Variants in ELF1 observed in about 807,000 individuals in gnomAD.
ELF1 encodes E74 like ETS transcription factor 1.
Under a neutral mutation model 59.9 loss-of-function variants are expected in ELF1, and 24 were observed. The observed-to-expected ratio is 0.40, with a 90% CI of 0.29 to 0.56. The LOEUF is 0.56. Among genes scored for constraint, ELF1 ranks in the 20% least tolerant of loss-of-function variants. The pLI is 0.44. For synonymous variants in ELF1, 248 were observed against 266.2 expected, an observed-to-expected ratio of 0.93 and a Z score of 0.67; for missense variants, 627 against 742.2, an observed-to-expected ratio of 0.84 and a Z score of 1.80.
chr13:40,993,469 C>T (rs916731959), intron 1 of ELF1: 24 of 577,260 alleles, frequency 4.2e-5, no homozygotes, highest in African/African-American at 2.3e-4. Context: ...AAGCACCCAG[C>T]GGGCGAGGAA....
intron 1 of ELF1, among the ~76,000 whole-genome samples, chr13:41,012,390 T>C (rs1875120930): frequency 1.3e-5 from 2 of 151,588 alleles, no homozygotes; most frequent in Admixed American, 6.6e-5. Context: ...CCACCTAGCT[T>C]TATATTTTAC....
At chr13:41,058,584 G>A (rs1373760544) in intron 1 of ELF1, among the ~76,000 whole-genome samples, 1 of 152,132 alleles carries the variant, frequency 6.6e-6, no homozygotes, top group Non-Finnish European at 1.5e-5. Flanking sequence ...TCACCCCCAG[G>A]TATATAGTAC....
chr13:41,015,631 G>C (rs1025896970), intron 1 of ELF1, among the ~76,000 whole-genome samples: 16 of 152,098 alleles, frequency 1.1e-4, no homozygotes, highest in Admixed American at 4.6e-4. Flanking sequence ...TACGCCTAAT[G>C]AATCAGAATT....
In ELF1 at chr13:40,933,934, C is replaced by G; in HGVS notation, c.1351G>C (p.Val451Leu). ...VTLQTVPLTT[V>L]IASTDPSAGT... ...GCTGATGGATCTGTGCTGGCTATAACTGTTGTGAGTGGCACTGTTTGGAGT... is the reference window on the plus strand; with the variant it reads ...GCTGATGGATCTGTGCTGGCTATAAGTGTTGTGAGTGGCACTGTTTGGAGT... The change falls in exon 9 of 9, where the codon GTT becomes CTT. Residue 451 changes from valine to leucine, a missense_variant. Coordinates refer to ENST00000239882, the MANE Select transcript of ELF1 (RefSeq NM_172373.4). 1 of 1,614,234 alleles carries G rather than the reference C, an allele frequency of 6.2e-7. No homozygotes were observed.
chr13:41,016,622 A>T (rs538208995), intron 1 of ELF1, among the ~76,000 whole-genome samples: 11 of 152,156 alleles, frequency 7.2e-5, no homozygotes, highest in African/African-American at 2.6e-4. Flanking sequence ...TCCTAAAAGA[A>T]TATGAGGCAA....
rs571349483 is a variant in ELF1 at position 41,045,573 on chromosome 13, G to A, written c.-229+15265C>T. On this transcript the variant is annotated intron_variant, in intron 1 of 1. Coordinates refer to the ELF1 transcript ENST00000405737. ...CCCAGCAGTCATTCAGGAGCAGGTT[G>A]TTCAGTTTCCATGTAGTTTTGAGTG... Among the ~76,000 whole-genome samples, 5 of 152,314 alleles carry A rather than the reference G, an allele frequency of 3.3e-5. No individual in the cohort carries two copies. The South Asian group carries it at 1.0e-3, about 32-fold the overall frequency.
At chr13:40,990,212 C>T (rs1873771517) in intron 1 of ELF1, among the ~76,000 whole-genome samples, 3 of 152,132 alleles carry the variant, frequency 2.0e-5, no homozygotes, top group African/African-American at 7.2e-5. Context: ...ATTCAGTGTT[C>T]ATTGACTAGT....
intron 1 of ELF1, among the ~76,000 whole-genome samples, chr13:40,991,410 CAT>C (rs925570516): frequency 5.9e-5 from 9 of 152,044 alleles, no homozygotes; most frequent in Admixed American, 4.6e-4. Context: ...TTCATGGACA[CAT>C]TACTATTTTA....
At position 40,936,554 on chromosome 13, in the gene ELF1, C is replaced by T. The variant is rs534764225; in HGVS notation, c.1257-2526G>A. On this transcript the variant is annotated intron_variant, in intron 8 of 8. Coordinates refer to ENST00000239882, the MANE Select transcript of ELF1 (RefSeq NM_172373.4). Reference sequence around the variant, plus strand: ...GGATCACAAGGTACAGAGTTCAAGACGGCCTGGTCAACATGGTGAAACCCC... The same window carrying T: ...GGATCACAAGGTACAGAGTTCAAGATGGCCTGGTCAACATGGTGAAACCCC... Among the ~76,000 whole-genome samples the T allele has an allele frequency of 1.1e-3, 164 of 152,052 alleles. No homozygotes were observed. In the Middle Eastern group the frequency reaches 0.017, roughly 16 times the overall value.
chr13:40,987,932 T>A (rs552424727), intron 1 of ELF1, among the ~76,000 whole-genome samples: 1 of 152,076 alleles, frequency 6.6e-6, no homozygotes, highest in Non-Finnish European at 1.5e-5. Flanking sequence ...GGAAAAACCA[T>A]TGAAAAAATA....
rs916364296 is a variant in ELF1 at position 40,963,686 on chromosome 13, A to G, written c.73-4670T>C. On this transcript the variant is annotated intron_variant, in intron 2 of 8. Transcript: ENST00000239882. ...CACTTTGGGAGGCCGAGGCGGGCGG[A>G]TCACGAGGTCAAGAGATTGAGAACA... Among the ~76,000 whole-genome samples, 22 of 152,332 alleles carry G rather than the reference A, an allele frequency of 1.4e-4. No individual in the cohort carries two copies. In the South Asian group the frequency reaches 4.6e-3, roughly 32 times the overall value.
At chr13:41,023,437 A>G (rs1268948266), upstream of ELF1, among the ~76,000 whole-genome samples, 1 of 152,224 alleles carries the variant, frequency 6.6e-6, no homozygotes, top group Non-Finnish European at 1.5e-5. Flanking sequence ...CAAATGACCA[A>G]AATCAATGTT....
intron 5 of ELF1, 130 bp downstream of exon 5, chr13:40,949,676 A>T: frequency 8.5e-7 from 1 of 1,171,316 alleles, no homozygotes. Flanking sequence ...CATAATTTCC[A>T]TTTTGTGCCT....
At chr13:41,044,820 G>A (rs1020047492) in intron 1 of ELF1, among the ~76,000 whole-genome samples, 4 of 152,150 alleles carry the variant, frequency 2.6e-5, no homozygotes, top group African/African-American at 9.7e-5. Context: ...AAATGAGTTA[G>A]GGAAGATTCC....
chr13:40,999,978 G>T (rs2138330579), intron 1 of ELF1, among the ~76,000 whole-genome samples: 1 of 152,234 alleles, frequency 6.6e-6, no homozygotes, highest in Admixed American at 6.5e-5. Flanking sequence ...GAACACCAGT[G>T]TAACTTTGAA....
At chr13:40,984,247 T>C (rs1295880456) in intron 1 of ELF1, among the ~76,000 whole-genome samples, 3 of 152,208 alleles carry the variant, frequency 2.0e-5, no homozygotes, top group African/African-American at 7.2e-5. Flanking sequence ...AAAAGGATTA[T>C]ATTGATGACA....
At chr13:41,017,708 C>T (rs1004293980) in intron 1 of ELF1, among the ~76,000 whole-genome samples, 2 of 151,968 alleles carry the variant, frequency 1.3e-5, no homozygotes, top group Non-Finnish European at 2.9e-5. Flanking sequence ...AATTCCTCTA[C>T]TTCTCTTTAA....
At chr13:40,986,868 A>G (rs1873574133) in intron 1 of ELF1, among the ~76,000 whole-genome samples, 1 of 152,108 alleles carries the variant, frequency 6.6e-6, no homozygotes, top group Admixed American at 6.5e-5. Flanking sequence ...AGATTCCTTC[A>G]GAAAGGTTTT....
At chr13:40,942,358 A>G (rs1472980471) in intron 7 of ELF1, among the ~76,000 whole-genome samples, 3 of 152,232 alleles carry the variant, frequency 2.0e-5, no homozygotes, top group African/African-American at 4.8e-5. Flanking sequence ...ATACATGCGT[A>G]TCTTGAAGGA....
Sources: gnomAD v4.1 joint callset for allele counts (sites outside exome capture counted in the v4.1 genomes callset) on GRCh38, gnomAD v4.1.1 for gene constraint, MANE v1.5 for transcripts, NCBI Gene and HGNC (gene_info 2026-07-23, HGNC 2026-07-21) for gene names.